Variants in B3GALNT2 observed in about 807,000 individuals in gnomAD.
The protein encoded by B3GALNT2 is UDP-GalNAc:beta-1,3-N-acetylgalactosaminyltransferase 2.
In B3GALNT2, 53 loss-of-function variants were observed where a neutral mutation model predicts 61.1. The ratio of observed to expected loss-of-function variants is 0.87; its 90% CI spans 0.70 to 1.09. The LOEUF is 1.09. Among genes scored for constraint, B3GALNT2 ranks in the 50% least tolerant of loss-of-function variants. The pLI is 0.00. For missense variants in B3GALNT2, 544 were observed against 623.0 expected, an observed-to-expected ratio of 0.87 and a Z score of 1.35; for synonymous variants, 223 against 237.4, an observed-to-expected ratio of 0.94 and a Z score of 0.56.
chr1:235,490,466 A>G (rs930915732), intron 2 of B3GALNT2, among the ~76,000 whole-genome samples: 34 of 152,262 alleles, frequency 2.2e-4, no homozygotes, highest in Admixed American at 7.2e-4. Context: ...CTTGGCGTCA[A>G]GTGATCTGCC....
At chr1:235,442,448 G>A (rs1450270776), downstream of B3GALNT2, among the ~76,000 whole-genome samples, 1 of 152,026 alleles carries the variant, frequency 6.6e-6, no homozygotes, top group Non-Finnish European at 1.5e-5. Flanking sequence ...AGGATTAGCG[G>A]CATGAGCTAC....
chr1:235,466,334 G>A (rs549744329), intron 6 of B3GALNT2, among the ~76,000 whole-genome samples: 13 of 151,022 alleles, frequency 8.6e-5, no homozygotes, highest in African/African-American at 2.7e-4. Flanking sequence ...CTCCCACAGT[G>A]CTGGGATTAC....
In B3GALNT2 at chr1:235,447,390, A is replaced by G. The variant is rs1019890673; in HGVS notation, c.*2816T>C. Among the ~76,000 whole-genome samples the G allele has an allele frequency of 1.7e-4, 26 of 152,194 alleles. No individual in the cohort carries two copies. The highest frequency in any genetic ancestry group is 5.3e-4 in the African/African-American group (22 of 41,458). ...AAGGAAACTCTATTTCTTATAATCAAAATATCCACTATTTACCACAACCCG... is the reference window on the plus strand; with the variant it reads ...AAGGAAACTCTATTTCTTATAATCAGAATATCCACTATTTACCACAACCCG... On this transcript the variant is annotated 3_prime_UTR_variant, in exon 12 of 12. Coordinates refer to ENST00000366600, the MANE Select transcript of B3GALNT2 (RefSeq NM_152490.5).
intron 6 of B3GALNT2, among the ~76,000 whole-genome samples, chr1:235,467,630 C>A (rs1340382498): frequency 6.6e-6 from 1 of 151,068 alleles, no homozygotes; most frequent in Admixed American, 6.6e-5. Flanking sequence ...CAGTCGCCTG[C>A]CAGCACACCT....
intron 6 of B3GALNT2, among the ~76,000 whole-genome samples, chr1:235,469,615 T>C (rs1683888469): frequency 6.6e-6 from 1 of 152,044 alleles, no homozygotes. Flanking sequence ...TGCAGTGGCA[T>C]GATCCTGGCT....
At chr1:235,453,029 T>C in intron 11 of B3GALNT2, 61 bp downstream of exon 11, 1 of 1,415,412 alleles carries the variant, frequency 7.1e-7, no homozygotes, top group Non-Finnish European at 9.9e-7. Context: ...ACACTCAACC[T>C]GTATATAGAA....
downstream of B3GALNT2, among the ~76,000 whole-genome samples, chr1:235,446,798 A>T (rs1465600935): frequency 1.3e-5 from 2 of 151,532 alleles, no homozygotes; most frequent in Non-Finnish European, 2.9e-5. Context: ...CCTGGGCTCA[A>T]GTGATCCTCC....
At chr1:235,461,665 C>A (rs547045794) in intron 7 of B3GALNT2, among the ~76,000 whole-genome samples, 1 of 151,870 alleles carries the variant, frequency 6.6e-6, no homozygotes, top group East Asian at 1.9e-4. Flanking sequence ...TACAGGCGTG[C>A]GCCACCATGC....
chr1:235,444,408 T>C (rs756139754), downstream of B3GALNT2, among the ~76,000 whole-genome samples: 30 of 152,166 alleles, frequency 2.0e-4, no homozygotes, highest in African/African-American at 4.8e-5. Context: ...ATTTTTGATA[T>C]ATTTTTTTCA....
In B3GALNT2 at chr1:235,489,173, T is replaced by C. The variant is rs758132746; in HGVS notation, c.356A>G (p.Asn119Ser). ...CAAGGGAAAAGATGACTTACCTGGATTTGTGATGTTGAGTAGTTTACAGGA... is the reference window on the plus strand; with the variant it reads ...CAAGGGAAAAGATGACTTACCTGGACTTGTGATGTTGAGTAGTTTACAGGA... ...PYSCKLLNIT[N>S]PVLNQEIEAF... Residue 119 changes from asparagine to serine, a missense_variant, in exon 3 of 12, where the codon AAT (asparagine) becomes AGT (serine). Asn to Ser is a conservative substitution (Grantham distance 46). Coordinates refer to ENST00000366600, the MANE Select transcript of B3GALNT2 (RefSeq NM_152490.5). The C allele has an allele frequency of 6.2e-7, 1 of 1,613,688 alleles. No homozygotes were observed. Among genetic ancestry groups the C allele is most frequent in the Non-Finnish European group, 8.5e-7 (1 of 1,179,846 alleles).
chr1:235,476,297 G>A (rs954673497), intron 5 of B3GALNT2, among the ~76,000 whole-genome samples: 4 of 152,182 alleles, frequency 2.6e-5, no homozygotes, highest in Non-Finnish European at 5.9e-5. Flanking sequence ...TATAGTACCA[G>A]CTACTCAGGA....
At chr1:235,440,085 CT>C in the B3GALNT2 span, among the ~76,000 whole-genome samples, 2 of 152,052 alleles carry the variant, frequency 1.3e-5, no homozygotes, top group East Asian at 3.9e-4. Flanking sequence ...ATTCTCCTGC[CT>C]CAGCCTCCCG....
intron 1 of B3GALNT2, among the ~76,000 whole-genome samples, chr1:235,502,339 A>G (rs1200093328): frequency 6.6e-6 from 1 of 152,204 alleles, no homozygotes; most frequent in African/African-American, 2.4e-5. Context: ...GATTATTAAA[A>G]TATCGATGGT....
chr1:235,489,167 C>A lies in B3GALNT2; in HGVS notation c.361+1G>T. 1 of 1,613,320 alleles carries A rather than the reference C, an allele frequency of 6.2e-7. No individual in the cohort carries two copies. The highest frequency in any genetic ancestry group is 8.5e-7 in the Non-Finnish European group (1 of 1,179,686). On this transcript the variant is annotated splice_donor_variant, in intron 3 of 11. Coordinates refer to ENST00000366600, the MANE Select transcript of B3GALNT2 (RefSeq NM_152490.5). LOFTEE classifies it high-confidence loss of function. ...GGCAGTCAAGGGAAAAGATGACTTA[C>A]CTGGATTTGTGATGTTGAGTAGTTT...
intron 1 of B3GALNT2, among the ~76,000 whole-genome samples, chr1:235,503,743 G>C (rs1685690840): frequency 7.0e-6 from 1 of 143,684 alleles, no homozygotes; most frequent in Admixed American, 7.4e-5. Context: ...CCAACAACTT[G>C]GGGGGGAAGA....
chr1:235,470,959 C>G lies in B3GALNT2; in HGVS notation c.653G>C (p.Ser218Thr). The change falls in exon 6 of 12, where the codon AGC (serine) becomes ACC (threonine). Residue 218 changes from serine to threonine, a missense_variant and splice_region_variant. Physicochemically the swap from Ser to Thr is moderately conservative, Grantham distance 58. Transcript: ENST00000366600. Reference protein sequence around the residue: ...KPVEQFILPESFEGTIVWESQ... With the variant: ...KPVEQFILPETFEGTIVWESQ... ...CTCCCACACGATTGTACCTTCAAAGCTCTTTTGTAGAAAGATGAATAGTGA... is the reference window on the plus strand; with the variant it reads ...CTCCCACACGATTGTACCTTCAAAGGTCTTTTGTAGAAAGATGAATAGTGA... The G allele has an allele frequency of 6.2e-7, 1 of 1,613,710 alleles. No homozygotes were observed. The highest frequency in any genetic ancestry group is 1.3e-5 in the African/African-American group (1 of 75,034).
At position 235,448,240 on chromosome 1, in the gene B3GALNT2, AGAC is replaced by A. The variant is rs1417866231; in HGVS notation, c.*1963_*1965del. The A allele has an allele frequency of 3.7e-6, 3 of 813,596 alleles. No individual in the cohort carries two copies. The highest frequency in any genetic ancestry group is 2.3e-5 in the Admixed American group (1 of 43,318). The allele number at this position is 813,596 out of a possible 1,614,324, so 50.4% of individuals were successfully genotyped here. ...AGTCTCAAAAAAAAAAAAAAAAAAA[AGAC>A]AGATACAGCTATCATTGCAATGATA... is the stretch of plus-strand genomic sequence containing the variant. On this transcript the variant is annotated 3_prime_UTR_variant, in exon 12 of 12. Transcript: ENST00000366600.
At chr1:235,457,614 T>C (rs762006966) in intron 8 of B3GALNT2, among the ~76,000 whole-genome samples, 10 of 152,174 alleles carry the variant, frequency 6.6e-5, no homozygotes, top group Non-Finnish European at 1.2e-4. Flanking sequence ...ATTATAAATA[T>C]GATAGATTCT....
chr1:235,447,519 C>T lies in B3GALNT2; in HGVS notation c.*2687G>A, dbSNP rs1166602458. 6.6e-6 allele frequency among the ~76,000 whole-genome samples: 1 copy of T among 152,110 alleles called. No individual in the cohort carries two copies. Among genetic ancestry groups the T allele is most frequent in the Non-Finnish European group, 1.5e-5 (1 of 68,034 alleles). On this transcript the variant is annotated 3_prime_UTR_variant, in exon 12 of 12. Transcript: ENST00000366600. ...CACTTGTGTATGTTTAATACAGTTA[C>T]ACATGATGTAATTACAGAATGGCGG...
Sources: gnomAD v4.1 joint callset for allele counts (sites outside exome capture counted in the v4.1 genomes callset) on GRCh38, gnomAD v4.1.1 for gene constraint, MANE v1.5 for transcripts, NCBI Gene and HGNC (gene_info 2026-07-23, HGNC 2026-07-21) for gene names.